Variants in NCKAP5 observed in about 807,000 individuals in gnomAD.
The protein encoded by NCKAP5 is nck-associated protein 5.
NCKAP5 carries 92 observed loss-of-function variants against 167.0 expected under a neutral mutation model. That is an observed-to-expected ratio of 0.55 (90% CI 0.47 to 0.66). NCKAP5 has a LOEUF of 0.66. Among genes scored for constraint, NCKAP5 ranks in the 30% least tolerant of loss-of-function variants. The pLI, the probability that NCKAP5 is intolerant of heterozygous loss-of-function variation, is 0.00. For missense variants in NCKAP5, 2,378 were observed against 2,315.0 expected, an observed-to-expected ratio of 1.03 and a Z score of -0.56; for synonymous variants, 891 against 877.4, an observed-to-expected ratio of 1.02 and a Z score of -0.27.
At chr2:133,361,485 C>T (rs1685100683) in intron 3 of NCKAP5, among the ~76,000 whole-genome samples, 1 of 152,196 alleles carries the variant, frequency 6.6e-6, no homozygotes, top group Non-Finnish European at 1.5e-5. Context: ...AAAATAAATA[C>T]TAAGCATATT....
chr2:133,563,046 T>C (rs545644279), intron 1 of NCKAP5, among the ~76,000 whole-genome samples: 1 of 152,326 alleles, frequency 6.6e-6, no homozygotes, highest in Non-Finnish European at 1.5e-5. Flanking sequence ...TGCCAGAGTG[T>C]TCAGACTAAA....
intron 3 of NCKAP5, among the ~76,000 whole-genome samples, chr2:133,457,054 C>T (rs1373630751): frequency 6.6e-6 from 1 of 152,082 alleles, no homozygotes; most frequent in Non-Finnish European, 1.5e-5. Context: ...AGAGTAGGTC[C>T]TTAAGTCAGG....
chr2:133,493,409 A>G (rs1681641914), intron 3 of NCKAP5, among the ~76,000 whole-genome samples: 1 of 152,176 alleles, frequency 6.6e-6, no homozygotes, highest in Non-Finnish European at 1.5e-5. Flanking sequence ...CTATCACGTA[A>G]CCCTCACCAT....
Position 132,857,486 on chromosome 2 carries a change from A to G in NCKAP5, c.807+3006T>C, listed in dbSNP as rs1689563490. Among the ~76,000 whole-genome samples, 5 of 152,332 alleles carry G rather than the reference A, an allele frequency of 3.3e-5. No homozygotes were observed. In the South Asian group the frequency reaches 8.3e-4, roughly 25 times the overall value. ...GTAGAGAGCTCTTTACTAGCTGCCAACATTCATTAAGTTGAGGGCATTGTT... is the reference window on the plus strand; with the variant it reads ...GTAGAGAGCTCTTTACTAGCTGCCAGCATTCATTAAGTTGAGGGCATTGTT... On this transcript the variant is annotated intron_variant, in intron 11 of 19. Transcript: ENST00000409261.
At chr2:133,391,624 C>T (rs543375717) in intron 3 of NCKAP5, among the ~76,000 whole-genome samples, 1 of 152,246 alleles carries the variant, frequency 6.6e-6, no homozygotes, top group African/African-American at 2.4e-5. Context: ...GCTCCCCAGC[C>T]CTCTTCCCCG....
At chr2:132,737,123 G>A (rs935972145) in intron 16 of NCKAP5, among the ~76,000 whole-genome samples, 6 of 152,120 alleles carry the variant, frequency 3.9e-5, no homozygotes, top group African/African-American at 1.4e-4. Flanking sequence ...ATCGCACATA[G>A]GAAATATACA....
At chr2:132,991,252 A>G (rs898481231) in intron 7 of NCKAP5, among the ~76,000 whole-genome samples, 3 of 152,222 alleles carry the variant, frequency 2.0e-5, no homozygotes, top group Non-Finnish European at 2.9e-5. Flanking sequence ...AATGAGCTAC[A>G]GTCTAGTCAC....
intron 3 of NCKAP5, among the ~76,000 whole-genome samples, chr2:133,347,276 G>A (rs565387688): frequency 9.9e-5 from 15 of 152,042 alleles, no homozygotes; most frequent in African/African-American, 2.7e-4. Flanking sequence ...ATATTCAGCC[G>A]GGCACGGTGG....
intron 3 of NCKAP5, among the ~76,000 whole-genome samples, chr2:133,456,476 G>A (rs1247597296): frequency 6.6e-6 from 1 of 152,206 alleles, no homozygotes; most frequent in Non-Finnish European, 1.5e-5. Context: ...GGACAGAAGA[G>A]AAAAGGAGTG....
chr2:132,928,754 C>T (rs1485332300), intron 8 of NCKAP5, among the ~76,000 whole-genome samples: 1 of 151,828 alleles, frequency 6.6e-6, no homozygotes, highest in Admixed American at 6.6e-5. Context: ...GTGGTGGGAG[C>T]CAAGGGAGCA....
chr2:132,854,864 A>C (rs1448995733), intron 11 of NCKAP5, among the ~76,000 whole-genome samples: 1 of 152,190 alleles, frequency 6.6e-6, no homozygotes, highest in Non-Finnish European at 1.5e-5. Flanking sequence ...CAGAAAAATG[A>C]CATACAAAGT....
chr2:132,836,523 G>A (rs1324937821), intron 11 of NCKAP5, among the ~76,000 whole-genome samples: 3 of 151,002 alleles, frequency 2.0e-5, no homozygotes, highest in Non-Finnish European at 2.9e-5. Context: ...TCAGTAACAC[G>A]TTCCATATTC....
chr2:133,349,577 G>A (rs1559406199), intron 3 of NCKAP5, among the ~76,000 whole-genome samples: 1 of 152,232 alleles, frequency 6.6e-6, no homozygotes, highest in Non-Finnish European at 1.5e-5. Flanking sequence ...AGCACTGTGA[G>A]TTGGTGCCAT....
intron 8 of NCKAP5, among the ~76,000 whole-genome samples, chr2:132,937,401 G>T (rs1348815178): frequency 1.3e-5 from 2 of 152,172 alleles, no homozygotes; most frequent in Non-Finnish European, 2.9e-5. Flanking sequence ...AAAGAAAGAG[G>T]ACTAAATAGT....
At chr2:133,656,716 T>C in the NCKAP5 span, among the ~76,000 whole-genome samples, 2 of 152,272 alleles carry the variant, frequency 1.3e-5, no homozygotes, top group African/African-American at 4.8e-5. Flanking sequence ...ATGCACCAAG[T>C]GTGGGATTCT....
At chr2:133,653,940 C>T in the NCKAP5 span, among the ~76,000 whole-genome samples, 1 of 152,092 alleles carries the variant, frequency 6.6e-6, no homozygotes, top group Non-Finnish European at 1.5e-5. Flanking sequence ...TACAATTTTA[C>T]TAATCAAACT....
intron 3 of NCKAP5, among the ~76,000 whole-genome samples, chr2:133,340,335 G>A (rs1049537294): frequency 6.6e-6 from 1 of 152,176 alleles, no homozygotes; most frequent in African/African-American, 2.4e-5. Flanking sequence ...TCAAGAATGT[G>A]CAGAGAACTA....
intron 2 of NCKAP5, among the ~76,000 whole-genome samples, chr2:133,537,640 T>C (rs1685864785): frequency 6.6e-6 from 1 of 152,136 alleles, no homozygotes; most frequent in Admixed American, 6.5e-5. Flanking sequence ...GAAAAACTAG[T>C]TCGTATTTCC....
intron 5 of NCKAP5, among the ~76,000 whole-genome samples, chr2:133,189,688 T>G (rs1316613915): frequency 1.3e-5 from 2 of 152,160 alleles, no homozygotes; most frequent in Non-Finnish European, 2.9e-5. Context: ...AAAAATCACA[T>G]GATTATCTCA....
Sources: allele counts gnomAD v4.1 joint callset (sites outside exome capture counted in the v4.1 genomes callset), GRCh38; gene constraint gnomAD v4.1.1; transcripts MANE v1.5; gene names NCBI Gene and HGNC (gene_info 2026-07-23, HGNC 2026-07-21).